Variants in CHRNA2 observed in about 807,000 individuals in gnomAD.
The protein encoded by CHRNA2 is cholinergic receptor nicotinic alpha 2 subunit.
CHRNA2 carries 40 observed loss-of-function variants against 45.5 expected under a neutral mutation model. The observed-to-expected ratio is 0.88, with a 90% CI of 0.68 to 1.15. The LOEUF (loss-of-function observed/expected upper bound fraction) is 1.15, where lower values mean the gene tolerates loss of function less well. CHRNA2 is among the 50% of genes most tolerant of loss of function. The pLI is 0.00. For synonymous variants in CHRNA2, 301 were observed against 296.7 expected (o/e 1.01, Z -0.15); for missense variants, 655 against 701.7 (o/e 0.93, Z 0.75).
At position 27,463,854 on chromosome 8, in the gene CHRNA2, A is replaced by G. The variant is rs1554514597; in HGVS notation, c.589T>C (p.Cys197Arg). Residue 197 changes from cysteine (C) to arginine (R), a missense_variant, in exon 6 of 7, where the codon TGC (cysteine) becomes CGC (arginine). Around this residue, in one of 3 missense-constraint regions of CHRNA2, gnomAD observed 323 missense variants for 354.4 expected, o/e 0.91. Coordinates refer to ENST00000407991, the MANE Select transcript of CHRNA2 (RefSeq NM_000742.4). This position sits in a 1 kb window ranked among gnomAD's most constrained non-coding sequence, Gnocchi z 6.1. ...GTCCAGGAGCCAAACTTCATCTTGCAGTTCTGCTGGTCGAAGGGGAAGAAG... is the reference window on the plus strand; with the variant it reads ...GTCCAGGAGCCAAACTTCATCTTGCGGTTCTGCTGGTCGAAGGGGAAGAAG... ...VTFFPFDQQNCKMKFGSWTYD... is the reference protein window; with the variant it reads ...VTFFPFDQQNRKMKFGSWTYD... 1.1e-5 allele frequency: 17 copies of G among 1,614,140 alleles called. No individual in the cohort carries two copies. Among genetic ancestry groups the G allele is most frequent in the Non-Finnish European group, 1.4e-5 (16 of 1,180,018 alleles).
At chr8:27,471,750 T>A (rs531377177) in intron 1 of CHRNA2, among the ~76,000 whole-genome samples, 161 of 152,366 alleles carry the variant, frequency 1.1e-3, no homozygotes, top group African/African-American at 3.8e-3. Context: ...CTGAAGGTGA[T>A]ATTGTAAAAA....
chr8:27,476,258 A>G (rs1243548828), intron 1 of CHRNA2, among the ~76,000 whole-genome samples: 4 of 152,214 alleles, frequency 2.6e-5, no homozygotes, highest in African/African-American at 4.8e-5. Context: ...AGGAAGGAAA[A>G]TGCTAGAGTC....
In CHRNA2 at chr8:27,464,594, G is replaced by A. The variant is rs539579850; in HGVS notation, c.450-601C>T. Among the ~76,000 whole-genome samples, 15 of 152,074 alleles carry A rather than the reference G, an allele frequency of 9.9e-5. No individual in the cohort carries two copies. In the South Asian group the frequency reaches 2.7e-3, roughly 27 times the overall value. ...GCTGGGTGGGGATGACATCACAGGG[G>A]GTCAAAGCTGTCCTCCTGCGAGCTG... On this transcript the variant is annotated intron_variant, in intron 5 of 6. Coordinates refer to ENST00000407991, the MANE Select transcript of CHRNA2 (RefSeq NM_000742.4).
At chr8:27,469,498 C>T (rs1446892395) in intron 3 of CHRNA2, 119 bp from the exon 4 acceptor site, 21 of 1,118,890 alleles carry the variant, frequency 1.9e-5, no homozygotes, top group East Asian at 1.5e-4. Flanking sequence ...CCAGCCCGCC[C>T]GCCACCCACT....
intron 1 of CHRNA2, among the ~76,000 whole-genome samples, chr8:27,476,623 TCCTTTCTA>T (rs2132683061): frequency 6.6e-6 from 1 of 152,348 alleles, no homozygotes; most frequent in South Asian, 2.1e-4. Context: ...GTCTCTTTCA[TCCTTTCTA>T]CCTGGAGGAT....
intron 1 of CHRNA2, among the ~76,000 whole-genome samples, chr8:27,472,952 G>A (rs1185768995): frequency 6.6e-6 from 1 of 152,088 alleles, no homozygotes; most frequent in Non-Finnish European, 1.5e-5. Context: ...TGACCAGAAG[G>A]ACACAGATGT....
At chr8:27,466,916 C>T (rs1462430258) in intron 5 of CHRNA2, among the ~76,000 whole-genome samples, 1 of 152,198 alleles carries the variant, frequency 6.6e-6, no homozygotes, top group Non-Finnish European at 1.5e-5. Context: ...ACAACTTCAA[C>T]CCCAAGGTAT....
At chr8:27,476,770 G>A (rs560664292) in intron 1 of CHRNA2, among the ~76,000 whole-genome samples, 11 of 152,266 alleles carry the variant, frequency 7.2e-5, no homozygotes, top group South Asian at 2.1e-4. Flanking sequence ...TTTCATACAG[G>A]CGTGAAGTTT....
At position 27,467,357 on chromosome 8, in the gene CHRNA2, T is replaced by C. The variant is rs1812731728; in HGVS notation, c.340-19A>G. ...TCCACTCCTGTGTGTGGGGAAGGAG[T>C]TGTGTCAACCTCGCTTCCAGGGAGC... On this transcript the variant is annotated intron_variant, in intron 4 of 6. Transcript: ENST00000407991. 1.9e-6 allele frequency: 3 copies of C among 1,584,666 alleles called. No individual in the cohort carries two copies. The East Asian group carries it at 6.7e-5, about 36-fold the overall frequency.
intron 1 of CHRNA2, among the ~76,000 whole-genome samples, chr8:27,471,636 G>C (rs1480154058): frequency 6.6e-6 from 1 of 152,242 alleles, no homozygotes; most frequent in Non-Finnish European, 1.5e-5. Flanking sequence ...AACGGAACAT[G>C]ATGCCACCAT....
At chr8:27,473,535 C>CG (rs1554516154) in intron 1 of CHRNA2, among the ~76,000 whole-genome samples, 1 of 138,264 alleles carries the variant, frequency 7.2e-6, no homozygotes, top group African/African-American at 2.6e-5. Context: ...CCCCCCCCGC[C>CG]GTCTCTACAA....
intron 1 of CHRNA2, chr8:27,475,651 T>G (rs73556130): frequency 6.6e-6 from 1 of 152,332 alleles, no homozygotes; most frequent in African/African-American, 2.4e-5. Flanking sequence ...ATGTGAATGT[T>G]CTTAACACGA....
intron 1 of CHRNA2, among the ~76,000 whole-genome samples, chr8:27,475,890 T>C (rs1813045745): frequency 6.6e-6 from 1 of 152,138 alleles, no homozygotes; most frequent in Non-Finnish European, 1.5e-5. Flanking sequence ...CCACTGTATC[T>C]TATTCACCTC....
chr8:27,466,937 G>A (rs1233745124), intron 5 of CHRNA2, among the ~76,000 whole-genome samples: 1 of 152,180 alleles, frequency 6.6e-6, no homozygotes, highest in Non-Finnish European at 1.5e-5. Flanking sequence ...TGTTTTTTGA[G>A]CCTGCACCAA....
At chr8:27,476,088 TTTC>T in intron 1 of CHRNA2, among the ~76,000 whole-genome samples, 1 of 152,364 alleles carries the variant, frequency 6.6e-6, no homozygotes. Flanking sequence ...TGTTTATCCT[TTTC>T]TTTGTTTATC....
chr8:27,469,608 G>A (rs1455341523), intron 3 of CHRNA2, 153 bp downstream of exon 3: 5 of 977,824 alleles, frequency 5.1e-6, no homozygotes, highest in South Asian at 2.7e-5. Context: ...GGAGAGGGGA[G>A]AGCGTAGCCG....
Position 27,476,189 on chromosome 8 carries a change from A to G in CHRNA2, c.-137+2635T>C, listed in dbSNP as rs1813055436. Among the ~76,000 whole-genome samples, 5 of 152,320 alleles carry G rather than the reference A, an allele frequency of 3.3e-5. No homozygotes were observed. In the South Asian group the frequency reaches 1.0e-3, roughly 32 times the overall value. ...ACTACCTCATTCTTCATCAGGGCCA[A>G]CAGTGTGCCAGGCACTAGGAACAGG... On this transcript the variant is annotated intron_variant, in intron 1 of 6. Transcript: ENST00000407991.
At chr8:27,470,679 T>C (rs993899113) in intron 2 of CHRNA2, among the ~76,000 whole-genome samples, 1 of 152,238 alleles carries the variant, frequency 6.6e-6, no homozygotes, top group African/African-American at 2.4e-5. Flanking sequence ...GTGCCTCCTG[T>C]ATCCCAGATT....
chr8:27,463,036 T>A lies in CHRNA2; in HGVS notation c.1407A>T (p.Ala469=). 2 of 1,614,030 alleles carry A rather than the reference T, an allele frequency of 1.2e-6. No individual in the cohort carries two copies. The highest frequency in any genetic ancestry group is 2.2e-5 in the South Asian group (2 of 91,086). The change falls in exon 6 of 7, where the codon GCA becomes GCT. Residue 469 remains alanine (A), a synonymous_variant. Transcript: ENST00000407991. The surrounding 1 kb of genome is among the most constrained non-coding windows in gnomAD (Gnocchi z 6.1). ...ELLLSPHMQK[A]LEGVHYIADH... Reference sequence around the variant, plus strand: ...CGGCAATGTAGTGCACACCTTCCAGTGCCTTCTGCATGTGGGGTGATAGCA... The same window carrying A: ...CGGCAATGTAGTGCACACCTTCCAGAGCCTTCTGCATGTGGGGTGATAGCA...
Sources: allele counts gnomAD v4.1 joint callset (sites outside exome capture counted in the v4.1 genomes callset), GRCh38; gene constraint gnomAD v4.1.1; regional missense constraint gnomAD v4.1.1; non-coding constraint Gnocchi (gnomAD v3.1); transcripts MANE v1.5; gene names NCBI Gene and HGNC (gene_info 2026-07-23, HGNC 2026-07-21).